GPR19: variants seen among roughly 807,000 people sequenced by gnomAD.
GPR19 encodes G protein-coupled receptor 19.
GPR19 carries 14 observed loss-of-function variants against 28.5 expected under a neutral mutation model. The ratio of observed to expected loss-of-function variants is 0.49; its 90% CI spans 0.32 to 0.77. The LOEUF (loss-of-function observed/expected upper bound fraction) is 0.77. Among genes scored for constraint, GPR19 ranks in the 30% least tolerant of loss-of-function variants. GPR19 has a pLI of 0.03. For missense variants in GPR19, 409 were observed against 504.1 expected, an observed-to-expected ratio of 0.81 and a Z score of 1.81; for synonymous variants, 173 against 184.1, an observed-to-expected ratio of 0.94 and a Z score of 0.49.
the GPR19 span, among the ~76,000 whole-genome samples, chr12:12,704,168 G>T: frequency 6.6e-6 from 1 of 152,104 alleles, no homozygotes; most frequent in African/African-American, 2.4e-5. Context: ...ACTTGTTAAG[G>T]GTTGTAATAC....
At chr12:12,704,636 T>TG in the GPR19 span, among the ~76,000 whole-genome samples, 2 of 152,178 alleles carry the variant, frequency 1.3e-5, no homozygotes, top group African/African-American at 2.4e-5. Context: ...TTAAATTTGG[T>TG]GGGGATTAAA....
chr12:12,710,445 T>C, the GPR19 span, among the ~76,000 whole-genome samples: 2 of 152,140 alleles, frequency 1.3e-5, no homozygotes, highest in South Asian at 2.1e-4. Flanking sequence ...ATATGATTAA[T>C]GGCACATTTG....
At chr12:12,679,779 A>AGCCT (rs916725643) in intron 3 of GPR19, among the ~76,000 whole-genome samples, 15 of 152,208 alleles carry the variant, frequency 9.9e-5, no homozygotes, top group Non-Finnish European at 1.5e-4. Flanking sequence ...CTCTAGAGTC[A>AGCCT]GCCTGCCTGG....
the GPR19 span, chr12:12,703,439 T>C: frequency 3.0e-6 from 3 of 985,164 alleles, no homozygotes; most frequent in Non-Finnish European, 3.6e-6. Context: ...TATGGGACCT[T>C]GAAAGGTTCG....
intron 3 of GPR19, among the ~76,000 whole-genome samples, chr12:12,670,107 G>A (rs1243038767): frequency 1.3e-5 from 2 of 152,128 alleles, no homozygotes; most frequent in African/African-American, 2.4e-5. Flanking sequence ...GACTGTGTGG[G>A]GTAACAGGAA....
chr12:12,676,275 A>AC (rs1945929768), intron 3 of GPR19, among the ~76,000 whole-genome samples: 1 of 152,116 alleles, frequency 6.6e-6, no homozygotes, highest in African/African-American at 2.4e-5. Context: ...ACCTCCTTGA[A>AC]CCTCTGTTTC....
chr12:12,699,918 T>C (rs1946307199), upstream of GPR19, among the ~76,000 whole-genome samples: 1 of 152,136 alleles, frequency 6.6e-6, no homozygotes, highest in Non-Finnish European at 1.5e-5. Context: ...CCAAACATCA[T>C]GTTCTCATAT....
the GPR19 span, among the ~76,000 whole-genome samples, chr12:12,708,212 T>C: frequency 6.6e-6 from 1 of 151,972 alleles, no homozygotes; most frequent in Admixed American, 6.6e-5. Flanking sequence ...TTGCCCAGGC[T>C]GGTCTCAAAC....
rs368822133 is a variant in GPR19 at position 12,680,781 on chromosome 12, C to T, written c.-23+3570G>A. On this transcript the variant is annotated intron_variant, in intron 3 of 3. Transcript: ENST00000651487. ...TCAGCTCACTGCAACCTCCACCTACCGGGTTCAAGCGATTCTCCTGCCTCA... is the reference window on the plus strand; with the variant it reads ...TCAGCTCACTGCAACCTCCACCTACTGGGTTCAAGCGATTCTCCTGCCTCA... Among the ~76,000 whole-genome samples the T allele has an allele frequency of 9.5e-4, 145 of 152,248 alleles. 2 individuals carry two copies. Among genetic ancestry groups the T allele is most frequent in the South Asian group, 8.3e-3 (40 of 4,826 alleles).
At chr12:12,676,118 C>T (rs555844447) in intron 3 of GPR19, among the ~76,000 whole-genome samples, 1 of 152,276 alleles carries the variant, frequency 6.6e-6, no homozygotes, top group Non-Finnish European at 1.5e-5. Context: ...AACCAAAAAT[C>T]TTAAAGAGTA....
At chr12:12,705,115 C>CTT in the GPR19 span, among the ~76,000 whole-genome samples, 66,500 of 136,214 alleles carry the variant, frequency 0.49, 17,767 homozygotes, top group Admixed American at 0.61. Flanking sequence ...AGAAATGCAT[C>CTT]TTTTTTTTTT....
chr12:12,693,320 C>T (rs747718332), intron 2 of GPR19, among the ~76,000 whole-genome samples: 1 of 152,208 alleles, frequency 6.6e-6, no homozygotes, highest in Non-Finnish European at 1.5e-5. Context: ...TTCCCATGTA[C>T]AGCAGCCTCT....
intron 2 of GPR19, among the ~76,000 whole-genome samples, chr12:12,689,936 T>C (rs1946159723): frequency 6.6e-6 from 1 of 152,172 alleles, no homozygotes; most frequent in Admixed American, 6.5e-5. Context: ...CTAGCCAACC[T>C]TGTGAGTGAG....
intron 3 of GPR19, among the ~76,000 whole-genome samples, chr12:12,677,362 C>T (rs1159769344): frequency 2.6e-5 from 4 of 151,956 alleles, no homozygotes; most frequent in South Asian, 2.1e-4. Flanking sequence ...ATGTGCACCA[C>T]GTGCAGCTAA....
rs1945685109 is a variant in GPR19, at chr12:12,662,126, G to A, written c.323C>T (p.Ala108Val). The A allele has an allele frequency of 3.1e-6, 5 of 1,614,224 alleles. No homozygotes were observed. Among genetic ancestry groups the A allele is most frequent in the Non-Finnish European group, 4.2e-6 (5 of 1,180,004 alleles). The change falls in exon 4 of 4, where the codon GCA becomes GTA. Residue 108 changes from alanine to valine, a missense_variant. Coordinates refer to ENST00000651487, the MANE Select transcript of GPR19 (RefSeq NM_006143.3). ...AACGCTGATGAGAAGGTCAGCACAT[G>A]CCATGGAGACCACAAAGTAGTTGGT... ...STTNYFVVSM[A>V]CADLLISVAS...
chr12:12,661,986 C>T lies in GPR19; in HGVS notation c.463G>A (p.Val155Ile), dbSNP rs139420660. Residue 155 changes from valine to isoleucine, a missense_variant, in exon 4 of 4, where the codon GTT becomes ATT. Val to Ile is a conservative substitution (Grantham distance 29, BLOSUM62 3). Transcript: ENST00000651487. This position sits in a 1 kb window ranked among gnomAD's most constrained non-coding sequence, Gnocchi z 4.2. ...CGGTCTATGCAGATGGAGAGGAGAA[C>T]GTAGATCTGGACACCTGGAGTGAGA... ...QYLTPGVQIYVLLSICIDRFY... is the reference protein window; with the variant it reads ...QYLTPGVQIYILLSICIDRFY... The T allele has an allele frequency of 1.2e-4, 190 of 1,613,086 alleles. No individual in the cohort carries two copies. Among genetic ancestry groups the T allele is most frequent in the South Asian group, 4.9e-4 (45 of 91,040 alleles).
intron 3 of GPR19, among the ~76,000 whole-genome samples, chr12:12,677,092 TTCTG>T (rs1945942943): frequency 6.6e-6 from 1 of 152,220 alleles, no homozygotes; most frequent in Admixed American, 6.5e-5. Context: ...AGCATTCACC[TTCTG>T]TCTCACATCT....
At chr12:12,714,774 A>G in the GPR19 span, among the ~76,000 whole-genome samples, 1 of 152,022 alleles carries the variant, frequency 6.6e-6, no homozygotes, top group Non-Finnish European at 1.5e-5. Flanking sequence ...CAGGGACTCC[A>G]TAGTATTTTT....
At chr12:12,710,354 C>CAAAA in the GPR19 span, among the ~76,000 whole-genome samples, 361 of 132,866 alleles carry the variant, frequency 2.7e-3, 5 homozygotes, top group African/African-American at 5.1e-3. Context: ...GCTCCATCTC[C>CAAAA]AAAAAAAAAA....
Sources: gnomAD v4.1 joint callset for allele counts (sites outside exome capture counted in the v4.1 genomes callset) on GRCh38, gnomAD v4.1.1 for gene constraint, Gnocchi (gnomAD v3.1) non-coding constraint, MANE v1.5 for transcripts, NCBI Gene and HGNC (gene_info 2026-07-23, HGNC 2026-07-21) for gene names.